The following DLGAP2 variants were observed in gnomAD, a reference collection of about 807,000 sequenced individuals.
DLGAP2 encodes the protein disks large-associated protein 2.
A neutral mutation model predicts 100.3 loss-of-function variants in DLGAP2; 26 were observed. The ratio of observed to expected loss-of-function variants is 0.26; its 90% CI spans 0.19 to 0.36. The LOEUF (loss-of-function observed/expected upper bound fraction) is 0.36. Among genes scored for constraint, DLGAP2 ranks in the 10% least tolerant of loss-of-function variants. DLGAP2 has a pLI of 1.00. For synonymous variants in DLGAP2, 886 were observed against 630.1 expected (o/e 1.41, Z -6.08); for missense variants, 1,858 against 1,453.2 (o/e 1.28, Z -4.53).
At chr8:1,320,899 G>C (rs1308195322) in intron 3 of DLGAP2, among the ~76,000 whole-genome samples, 1 of 152,190 alleles carries the variant, frequency 6.6e-6, no homozygotes, top group Non-Finnish European at 1.5e-5. Context: ...GTATGCACAG[G>C]TGTGTAGGGG....
intron 1 of DLGAP2, among the ~76,000 whole-genome samples, chr8:825,626 G>C (rs1049957037): frequency 5.3e-5 from 8 of 152,124 alleles, no homozygotes; most frequent in Middle Eastern, 3.2e-3. Context: ...TTCCTCTTCA[G>C]TCTGAAGTTT....
At chr8:1,253,259 G>T (rs1799090612) in intron 2 of DLGAP2, among the ~76,000 whole-genome samples, 1 of 152,202 alleles carries the variant, frequency 6.6e-6, no homozygotes, top group Non-Finnish European at 1.5e-5. Flanking sequence ...GGCTGCAGCC[G>T]CTGGGTGGTT....
chr8:1,059,099 C>T (rs552284370), intron 2 of DLGAP2, among the ~76,000 whole-genome samples: 1 of 152,294 alleles, frequency 6.6e-6, no homozygotes, highest in East Asian at 1.9e-4. Flanking sequence ...CAGGTTCGCC[C>T]ATCTCTCTGT....
chr8:1,033,454 C>T (rs1474748893), intron 2 of DLGAP2, among the ~76,000 whole-genome samples: 1 of 152,106 alleles, frequency 6.6e-6, no homozygotes, highest in African/African-American at 2.4e-5. Flanking sequence ...ATTGCCTCAG[C>T]TGAGGAGTTC....
chr8:1,202,294 A>ATGTG (rs1206587662), intron 2 of DLGAP2, among the ~76,000 whole-genome samples: 6 of 93,024 alleles, frequency 6.4e-5, no homozygotes, highest in East Asian at 3.9e-4. Flanking sequence ...TGTATGTAGT[A>ATGTG]TATGTGTGTG....
chr8:1,018,715 C>G (rs1279099319), intron 2 of DLGAP2: 1 of 152,186 alleles, frequency 6.6e-6, no homozygotes, highest in African/African-American at 2.4e-5. Context: ...AGGTCATATT[C>G]CTTATCAACT....
chr8:1,125,384 G>A (rs1018474690), intron 2 of DLGAP2, among the ~76,000 whole-genome samples: 1 of 152,122 alleles, frequency 6.6e-6, no homozygotes, highest in Non-Finnish European at 1.5e-5. Context: ...AAAAAAATGA[G>A]TTTCTTTCAT....
chr8:904,085 T>C (rs1798324250), intron 1 of DLGAP2, among the ~76,000 whole-genome samples: 1 of 152,230 alleles, frequency 6.6e-6, no homozygotes, highest in Non-Finnish European at 1.5e-5. Context: ...GCCGAGTTTC[T>C]TCAGCTGAAA....
intron 6 of DLGAP2, among the ~76,000 whole-genome samples, chr8:1,573,697 G>T (rs1053979620): frequency 2.0e-5 from 3 of 152,184 alleles, no homozygotes; most frequent in Non-Finnish European, 2.9e-5. Context: ...ATGCTGGCAA[G>T]CAAGGGCCTG....
intron 3 of DLGAP2, among the ~76,000 whole-genome samples, chr8:1,468,406 G>A (rs555904443): frequency 4.6e-5 from 7 of 151,942 alleles, no homozygotes; most frequent in Admixed American, 2.6e-4. Flanking sequence ...TTCACACGGC[G>A]TGGATCCGGG....
chr8:1,093,996 A>T (rs1277839353), intron 2 of DLGAP2, among the ~76,000 whole-genome samples: 1 of 110,092 alleles, frequency 9.1e-6, no homozygotes, highest in Non-Finnish European at 2.0e-5. Flanking sequence ...GATGGAGGGC[A>T]GCTCCCCGGT....
intron 1 of DLGAP2, chr8:738,209 G>A (rs1363198599): frequency 6.1e-6 from 1 of 162,740 alleles, no homozygotes; most frequent in African/African-American, 2.4e-5. Flanking sequence ...TAGCTCCGGT[G>A]GGGCAGCTGC....
intron 3 of DLGAP2, among the ~76,000 whole-genome samples, chr8:1,374,063 T>TACA (rs1223955329): frequency 5.9e-5 from 9 of 152,006 alleles, no homozygotes; most frequent in Admixed American, 4.6e-4. Context: ...AGGTTAGGTT[T>TACA]GCAGACGGCT....
At chr8:1,193,504 A>C (rs1477167896) in intron 2 of DLGAP2, among the ~76,000 whole-genome samples, 1 of 152,170 alleles carries the variant, frequency 6.6e-6, no homozygotes, top group Non-Finnish European at 1.5e-5. Flanking sequence ...GTCACTTAGC[A>C]CCATGCGTTC....
chr8:1,608,907 C>A (rs1796908840), intron 6 of DLGAP2, among the ~76,000 whole-genome samples: 1 of 151,886 alleles, frequency 6.6e-6, no homozygotes, highest in African/African-American at 2.4e-5. Context: ...ACCAAATCTA[C>A]GTCTGATTGG....
intron 3 of DLGAP2, among the ~76,000 whole-genome samples, chr8:1,390,485 C>T (rs1448877124): frequency 6.6e-6 from 1 of 152,222 alleles, no homozygotes; most frequent in East Asian, 1.9e-4. Context: ...CAAGCCCTTC[C>T]TGTCCATTCT....
At chr8:754,096 G>A (rs1337026533) in intron 1 of DLGAP2, 1 of 152,264 alleles carries the variant, frequency 6.6e-6, no homozygotes, top group Non-Finnish European at 1.5e-5. Flanking sequence ...CACGTGGGGA[G>A]TGAGTGGTAC....
intron 6 of DLGAP2, among the ~76,000 whole-genome samples, chr8:1,589,138 T>A (rs1796216137): frequency 6.6e-6 from 1 of 152,212 alleles, no homozygotes. Flanking sequence ...TGAATTGTAT[T>A]TTCTTTTAAA....
intron 1 of DLGAP2, among the ~76,000 whole-genome samples, chr8:848,047 C>G (rs1452920205): frequency 6.6e-6 from 1 of 152,164 alleles, no homozygotes; most frequent in Non-Finnish European, 1.5e-5. Context: ...CTCTTCAGTT[C>G]TGTGTTTCCT....
Sources: allele counts gnomAD v4.1 joint callset (sites outside exome capture counted in the v4.1 genomes callset), GRCh38; gene constraint gnomAD v4.1.1; transcripts MANE v1.5; gene names NCBI Gene and HGNC (gene_info 2026-07-23, HGNC 2026-07-21).